Variants in OR5A1 observed in about 807,000 individuals in gnomAD.
The protein encoded by OR5A1 is olfactory receptor 5A1.
In OR5A1, 6 loss-of-function variants were observed where a neutral mutation model predicts 6.7. That is an observed-to-expected ratio of 0.89 (90% CI 0.49 to 1.76). The LOEUF (loss-of-function observed/expected upper bound fraction) is 1.76, where lower values mean the gene tolerates loss of function less well. Among genes scored for constraint, OR5A1 ranks in the 40% most tolerant of loss-of-function variants. The pLI, the probability that OR5A1 is intolerant of heterozygous loss-of-function variation, is 0.01. For synonymous variants in OR5A1, 170 were observed against 155.0 expected, an observed-to-expected ratio of 1.10 and a Z score of -0.72; for missense variants, 378 against 381.7, an observed-to-expected ratio of 0.99 and a Z score of 0.08.
Position 59,448,789 on chromosome 11 carries a change from G to A in OR5A1, c.*4673G>A, listed in dbSNP as rs1326552448. 6.6e-6 allele frequency: 1 copy of A among 151,960 alleles called. No individual in the cohort carries two copies. The highest frequency in any genetic ancestry group is 1.9e-4 in the East Asian group (1 of 5,176). The allele number at this position is 151,960 out of a possible 1,614,324, so 9.4% of individuals were successfully genotyped here. On this transcript the variant is annotated 3_prime_UTR_variant, in exon 2 of 2. Coordinates refer to ENST00000641045, the MANE Select transcript of OR5A1 (RefSeq NM_001004728.2). ...CAAAACGCAATAAATATGCATTTTT[G>A]GTCAATTATTATAATTGATCTGTTG...
rs1858580420 is a variant in OR5A1 at position 59,448,649 on chromosome 11, C to T, written c.*4533C>T. ...CCTCACTAAATCCCTGGGCCAATCTCGCCCCATTCTTGCCCTTTGGTGTGA... is the reference window on the plus strand; with the variant it reads ...CCTCACTAAATCCCTGGGCCAATCTTGCCCCATTCTTGCCCTTTGGTGTGA... On this transcript the variant is annotated 3_prime_UTR_variant, in exon 2 of 2. Transcript: ENST00000641045. 3 of 152,188 alleles carry T rather than the reference C, an allele frequency of 2.0e-5. No individual in the cohort carries two copies. Among genetic ancestry groups the T allele is most frequent in the East Asian group, 1.9e-4 (1 of 5,202 alleles). 9.4% of individuals were successfully genotyped at this position (152,188 alleles called of 1,614,324 possible).
Position 59,443,810 on chromosome 11 carries a change from C to T in OR5A1, c.642C>T (p.Phe214=), listed in dbSNP as rs763040478. Residue 214 remains phenylalanine, a synonymous_variant, in exon 2 of 2, where the codon TTC becomes TTT. Transcript: ENST00000641045. ...TGGTCACTGTCGGAGGAACATCGTT[C>T]CTCCAACTCCTTATCTCCTATGGTT... ...LVVVTVGGTS[F]LQLLISYGYI... is the part of the protein sequence containing the mutation. The T allele has an allele frequency of 6.2e-7, 1 of 1,614,110 alleles. No individual in the cohort carries two copies. Among genetic ancestry groups the T allele is most frequent in the South Asian group, 1.1e-5 (1 of 91,076 alleles).
chr11:59,439,806 G>A (rs920246816), intron 1 of OR5A1, among the ~76,000 whole-genome samples: 2 of 151,992 alleles, frequency 1.3e-5, no homozygotes, highest in Non-Finnish European at 1.5e-5. Flanking sequence ...AACCTCACTC[G>A]TAAACACTTC....
At position 59,444,120 on chromosome 11, in the gene OR5A1, A is replaced by G; in HGVS notation, c.*4A>G. On this transcript the variant is annotated 3_prime_UTR_variant, in exon 2 of 2. Transcript: ENST00000641045. ...AAGGAAGAAAGTGTTTTCTTAGGTC[A>G]TGCGTAGAAACTTATTTATCCAAAC... 1 of 1,587,968 alleles carries G rather than the reference A, an allele frequency of 6.3e-7. No homozygotes were observed. The highest frequency in any genetic ancestry group is 8.6e-7 in the Non-Finnish European group (1 of 1,158,456).
chr11:59,436,788 A>G lies in OR5A1; in HGVS notation c.-81A>G, dbSNP rs1194553602. On this transcript the variant is annotated 5_prime_UTR_variant, in exon 1 of 2. Transcript: ENST00000641045. ...ATTAAACTCCTTCCAAAGCAGAACAACTCAAAACAGGTATCAGCTAAAGGG... is the reference window on the plus strand; with the variant it reads ...ATTAAACTCCTTCCAAAGCAGAACAGCTCAAAACAGGTATCAGCTAAAGGG... 5 of 152,156 alleles carry G rather than the reference A, an allele frequency of 3.3e-5. No homozygotes were observed. The highest frequency in any genetic ancestry group is 7.3e-5 in the Non-Finnish European group (5 of 68,032). The allele number at this position is 152,156 out of a possible 1,614,324, so 9.4% of individuals were successfully genotyped here.
At chr11:59,440,930 T>C (rs1858475213) in intron 1 of OR5A1, among the ~76,000 whole-genome samples, 1 of 152,174 alleles carries the variant, frequency 6.6e-6, no homozygotes, top group Non-Finnish European at 1.5e-5. Context: ...ATTCTCCCAT[T>C]ATCCAAATGT....
intron 1 of OR5A1, among the ~76,000 whole-genome samples, 161 bp from the exon 2 acceptor site, chr11:59,442,975 C>T (rs1041897296): frequency 6.6e-6 from 1 of 152,210 alleles, no homozygotes; most frequent in East Asian, 1.9e-4. Context: ...ATGATGACTG[C>T]AACTCCCTTC....
Position 59,443,761 on chromosome 11 carries a change from G to A in OR5A1, c.593G>A (p.Ser198Asn), listed in dbSNP as rs1326793565. 1.2e-6 allele frequency: 2 copies of A among 1,614,078 alleles called. No homozygotes were observed. Among genetic ancestry groups the A allele is most frequent in the Non-Finnish European group, 1.7e-6 (2 of 1,179,994 alleles). The change falls in exon 2 of 2, where the codon AGT becomes AAT. Residue 198 changes from serine to asparagine, a missense_variant. Physicochemically the swap from Ser to Asn is conservative, Grantham distance 46. Transcript: ENST00000641045. ...CTGTCTTGCTCTGACACCTTCCTCA[G>A]TCAAGTGGTGAATTTCCTCGTGGTG... ...LALSCSDTFL[S>N]QVVNFLVVVT...
chr11:59,437,409 T>G (rs558953346), intron 1 of OR5A1, among the ~76,000 whole-genome samples: 2 of 152,316 alleles, frequency 1.3e-5, no homozygotes, highest in African/African-American at 4.8e-5. Flanking sequence ...CCAATATGTC[T>G]TATAGGTGGA....
In OR5A1 at chr11:59,443,271, C is replaced by A. The variant is rs779604249; in HGVS notation, c.103C>A (p.Leu35Met). The change falls in exon 2 of 2, where the codon CTG (leucine) becomes ATG (methionine). Residue 35 changes from leucine (L) to methionine (M), a missense_variant. Physicochemically the swap from Leu to Met is conservative, Grantham distance 15. Transcript: ENST00000641045. ...ELQALLFVTF[L>M]GIYLTTLAWN... Reference sequence around the variant, plus strand: ...CCAGGCCCTCCTCTTTGTGACCTTCCTGGGCATCTATCTTACCACCCTGGC... The same window carrying A: ...CCAGGCCCTCCTCTTTGTGACCTTCATGGGCATCTATCTTACCACCCTGGC... The A allele has an allele frequency of 6.2e-7, 1 of 1,613,954 alleles. No individual in the cohort carries two copies. The highest frequency in any genetic ancestry group is 8.5e-7 in the Non-Finnish European group (1 of 1,179,948).
At position 59,443,948 on chromosome 11, in the gene OR5A1, C is replaced by T. The variant is rs17591107; in HGVS notation, c.780C>T (p.Phe260=). ...VVTLLFGTAL[F]VYLRPSSSYL... ...CTCTGCTGTTTGGGACAGCCCTTTT[C>T]GTGTACTTGCGACCCAGCTCCAGCT... Residue 260 remains phenylalanine, a synonymous_variant, in exon 2 of 2, where the codon TTC becomes TTT. Coordinates refer to ENST00000641045, the MANE Select transcript of OR5A1 (RefSeq NM_001004728.2). 0.24 allele frequency: 391,932 copies of T among 1,613,860 alleles called. 51,241 individuals carry two copies. Among genetic ancestry groups the T allele is most frequent in the Non-Finnish European group, 0.27 (320,859 of 1,179,922 alleles).
chr11:59,440,724 G>A (rs775948610), intron 1 of OR5A1, among the ~76,000 whole-genome samples: 14 of 152,266 alleles, frequency 9.2e-5, no homozygotes, highest in Admixed American at 3.9e-4. Flanking sequence ...TTTGTTGCAC[G>A]TTCCTCTTTT....
At chr11:59,442,272 G>A (rs748937122) in intron 1 of OR5A1, among the ~76,000 whole-genome samples, 5 of 151,982 alleles carry the variant, frequency 3.3e-5, no homozygotes, top group East Asian at 1.9e-4. Flanking sequence ...GAGAAACTCC[G>A]TCTCTACTTA....
rs1196541471 is a variant in OR5A1, at chr11:59,445,720, T to C, written c.*1604T>C. 1.3e-5 allele frequency: 2 copies of C among 152,238 alleles called. No individual in the cohort carries two copies. Among genetic ancestry groups the C allele is most frequent in the Admixed American group, 6.5e-5 (1 of 15,288 alleles). The allele number at this position is 152,238 out of a possible 1,614,324, so 9.4% of individuals were successfully genotyped here. A position where few individuals can be genotyped will look rare whatever the true frequency, so the allele number is the denominator to read the frequency against. ...TGCCATTCTGACTAGCATGAGATGG[T>C]ATCTCATTGTGATTTTTTATTTGCA... On this transcript the variant is annotated 3_prime_UTR_variant, in exon 2 of 2. Coordinates refer to ENST00000641045, the MANE Select transcript of OR5A1 (RefSeq NM_001004728.2).
At chr11:59,440,404 G>A (rs1486183244) in intron 1 of OR5A1, among the ~76,000 whole-genome samples, 1 of 152,138 alleles carries the variant, frequency 6.6e-6, no homozygotes, top group Non-Finnish European at 1.5e-5. Context: ...TTACAAATGA[G>A]GAAATTGAAA....
intron 1 of OR5A1, among the ~76,000 whole-genome samples, chr11:59,437,704 A>G (rs1017288571): frequency 4.6e-5 from 7 of 152,208 alleles, no homozygotes; most frequent in Non-Finnish European, 1.0e-4. Context: ...GAAATTCCAG[A>G]TAACATGCAG....
intron 1 of OR5A1, among the ~76,000 whole-genome samples, chr11:59,438,884 C>T (rs1213313416): frequency 1.3e-5 from 2 of 152,178 alleles, no homozygotes; most frequent in Non-Finnish European, 2.9e-5. Context: ...ACCCCTTTAG[C>T]ATTGTCACCT....
intron 1 of OR5A1, among the ~76,000 whole-genome samples, chr11:59,437,975 G>A (rs1858438538): frequency 6.6e-6 from 1 of 152,154 alleles, no homozygotes; most frequent in Non-Finnish European, 1.5e-5. Context: ...CTATCCCCTT[G>A]GTGATTAGTG....
rs1858557925 is a variant in OR5A1 at position 59,447,008 on chromosome 11, A to G, written c.*2892A>G. 6.6e-6 allele frequency: 1 copy of G among 152,212 alleles called. No homozygotes were observed. The highest frequency in any genetic ancestry group is 1.5e-5 in the Non-Finnish European group (1 of 68,032). 9.4% of individuals were successfully genotyped at this position (152,212 alleles called of 1,614,324 possible). A position where few individuals can be genotyped will look rare whatever the true frequency, so the allele number is the denominator to read the frequency against. ...ACGTAGAATGACTCCTACAAATCGT[A>G]TATACAGGTACTCAGAGAGAGAGAG... On this transcript the variant is annotated 3_prime_UTR_variant, in exon 2 of 2. Coordinates refer to ENST00000641045, the MANE Select transcript of OR5A1 (RefSeq NM_001004728.2).
Sources: allele counts gnomAD v4.1 joint callset (sites outside exome capture counted in the v4.1 genomes callset), GRCh38; gene constraint gnomAD v4.1.1; transcripts MANE v1.5; gene names NCBI Gene and HGNC (gene_info 2026-07-23, HGNC 2026-07-21).